The following PHF2 variants were observed in gnomAD, a reference collection of about 807,000 sequenced individuals.
PHF2 encodes the protein PHD finger protein 2.
A neutral mutation model predicts 120.5 loss-of-function variants in PHF2; 27 were observed. The ratio of observed to expected loss-of-function variants is 0.22; its 90% confidence interval spans 0.17 to 0.31. The LOEUF (loss-of-function observed/expected upper bound fraction) is 0.31, where lower values mean the gene tolerates loss of function less well. PHF2 is among the 10% of genes least tolerant of loss of function. PHF2 has a pLI of 1.00. For synonymous variants in PHF2, 568 were observed against 592.5 expected, an observed-to-expected ratio of 0.96 and a Z score of 0.60; for missense variants, 1,024 against 1,434.8, an observed-to-expected ratio of 0.71 and a Z score of 4.63.
At chr9:93,669,035 G>A (rs1826733423) in intron 17 of PHF2, among the ~76,000 whole-genome samples, 1 of 152,250 alleles carries the variant, frequency 6.6e-6, no homozygotes, top group African/African-American at 2.4e-5. Context: ...ATTTGAGTAT[G>A]ATAATTGGTG....
intron 19 of PHF2, among the ~76,000 whole-genome samples, chr9:93,675,360 G>C (rs2118151638): frequency 6.6e-6 from 1 of 152,370 alleles, no homozygotes; most frequent in Admixed American, 6.5e-5. Flanking sequence ...ACTTGATGGT[G>C]GCTGAGGGAC....
At chr9:93,675,314 A>C (rs1263988570) in intron 19 of PHF2, among the ~76,000 whole-genome samples, 2 of 152,346 alleles carry the variant, frequency 1.3e-5, no homozygotes, top group South Asian at 2.1e-4. Flanking sequence ...CTCAATGGGC[A>C]GCTCTGTGAG....
At chr9:93,597,776 G>A (rs1361926985) in intron 1 of PHF2, among the ~76,000 whole-genome samples, 1 of 152,178 alleles carries the variant, frequency 6.6e-6, no homozygotes, top group African/African-American at 2.4e-5. Context: ...CCTTACATTT[G>A]TGGGTTCTTC....
chr9:93,643,047 A>G (rs187988003), intron 3 of PHF2, among the ~76,000 whole-genome samples: 2 of 149,782 alleles, frequency 1.3e-5, no homozygotes, highest in East Asian at 2.0e-4. Flanking sequence ...CGGTTGTTCT[A>G]TTATCCTCAG....
chr9:93,626,897 G>A (rs1249363119), intron 1 of PHF2, among the ~76,000 whole-genome samples: 1 of 152,190 alleles, frequency 6.6e-6, no homozygotes, highest in East Asian at 1.9e-4. Flanking sequence ...GTTGATGTAT[G>A]GGTTTATTTC....
At chr9:93,623,809 G>T (rs996410500) in intron 1 of PHF2, among the ~76,000 whole-genome samples, 11 of 152,174 alleles carry the variant, frequency 7.2e-5, no homozygotes, top group Non-Finnish European at 1.6e-4. Context: ...AAAACAATTT[G>T]CCAAGATCTT....
intron 1 of PHF2, among the ~76,000 whole-genome samples, chr9:93,616,005 C>T (rs756565824): frequency 2.6e-5 from 4 of 152,186 alleles, no homozygotes; most frequent in Non-Finnish European, 4.4e-5. Context: ...TAGGAAACCG[C>T]AGGAAAGTAT....
At chr9:93,638,491 A>G (rs1826126868) in intron 3 of PHF2, among the ~76,000 whole-genome samples, 3 of 152,048 alleles carry the variant, frequency 2.0e-5, no homozygotes, top group Admixed American at 1.3e-4. Flanking sequence ...TTTTTTTTGC[A>G]TGCAGCTCTT....
intron 5 of PHF2, among the ~76,000 whole-genome samples, chr9:93,649,722 A>G (rs1358313725): frequency 1.3e-5 from 2 of 151,902 alleles, no homozygotes; most frequent in African/African-American, 2.4e-5. Context: ...ACTCCAATGC[A>G]TGAGACATTC....
rs1233364907 is a variant in PHF2 at position 93,672,453 on chromosome 9, T to TGG, written c.2349-1130_2349-1129dup. On this transcript the variant is annotated intron_variant, in intron 17 of 21. Transcript: ENST00000359246. ...ACAGGTGCAGGTGCAGGTGTGGGTG[T>TGG]GGGAGTAGGCACAGGTGTGAGTGTG... 4 of 970,372 alleles carry TGG rather than the reference T, an allele frequency of 4.1e-6. No individual in the cohort carries two copies. The African/African-American group carries it at 7.7e-5, about 19-fold the overall frequency. 60.1% of individuals were successfully genotyped at this position (970,372 alleles called of 1,614,324 possible).
chr9:93,671,162 G>A (rs1826777798), intron 17 of PHF2: 1 of 983,248 alleles, frequency 1.0e-6, no homozygotes, highest in South Asian at 4.7e-5. Flanking sequence ...GGATGTAGGT[G>A]TGGGAGTAGG....
At chr9:93,664,337 G>A (rs777581155) in intron 14 of PHF2, among the ~76,000 whole-genome samples, 15 of 152,162 alleles carry the variant, frequency 9.9e-5, no homozygotes, top group Admixed American at 4.6e-4. Flanking sequence ...CAAGGGGTGC[G>A]GAGGGCTGTG....
Position 93,660,395 on chromosome 9 carries a change from C to G in PHF2, c.1533C>G (p.Pro511=), listed in dbSNP as rs779295009. 1 of 1,532,694 alleles carries G rather than the reference C, an allele frequency of 6.5e-7. No homozygotes were observed. Among genetic ancestry groups the G allele is most frequent in the Admixed American group, 2.0e-5 (1 of 50,192 alleles). The allele number at this position is 1,532,694 out of a possible 1,614,324, so 94.9% of individuals were successfully genotyped here. The stretch of plus-strand genomic sequence containing the variant: ...CCAAAATCCCCAAGCCCCCGAAGCC[C>G]CCTAAGCCCCCAAGGCCCCCCAAAA... The part of the protein sequence containing the change: ...KPSKIPKPPK[P]PKPPRPPKTL... Residue 511 remains proline, a synonymous_variant, in exon 12 of 22, where the codon CCC becomes CCG. Transcript: ENST00000359246.
At chr9:93,583,139 C>G (rs1862965335) in intron 1 of PHF2, among the ~76,000 whole-genome samples, 1 of 152,210 alleles carries the variant, frequency 6.6e-6, no homozygotes, top group African/African-American at 2.4e-5. Context: ...TGGATATTTA[C>G]TATTTCATAC....
intron 2 of PHF2, among the ~76,000 whole-genome samples, 197 bp downstream of exon 2, chr9:93,630,252 G>A (rs1328071055): frequency 6.6e-6 from 1 of 152,210 alleles, no homozygotes; most frequent in Admixed American, 6.5e-5. Context: ...GCCCACTGTA[G>A]CCCCTCCTGA....
At chr9:93,659,712 C>A in intron 11 of PHF2, 112 bp downstream of exon 11, 1 of 935,848 alleles carries the variant, frequency 1.1e-6, no homozygotes, top group Non-Finnish European at 1.7e-6. Context: ...TCTGGGAAGG[C>A]CAGTGCCCCA....
At position 93,654,433 on chromosome 9, in the gene PHF2, C is replaced by T. The variant is rs1826422137; in HGVS notation, c.810C>T (p.Leu270=). 6.2e-7 allele frequency: 1 copy of T among 1,613,596 alleles called. No homozygotes were observed. The highest frequency in any genetic ancestry group is 8.5e-7 in the Non-Finnish European group (1 of 1,179,804). The stretch of plus-strand genomic sequence containing the variant: ...GGCAGGGGGAGAAGACCTTCTATCT[C>T]ATCAGGCCGGCCTCGGCCAACATCT... ...HVLKGEKTFY[L]IRPASANISL... Residue 270 remains leucine, a synonymous_variant, in exon 7 of 22, where the codon CTC becomes CTT. Coordinates refer to ENST00000359246, the MANE Select transcript of PHF2 (RefSeq NM_005392.4).
chr9:93,653,500 A>C, intron 6 of PHF2, 135 bp downstream of exon 6: 1 of 857,282 alleles, frequency 1.2e-6, no homozygotes, highest in Admixed American at 2.6e-5. Context: ...CATCCCTGGG[A>C]CAGGAGGCCT....
chr9:93,616,558 G>C (rs1825732373), intron 1 of PHF2, among the ~76,000 whole-genome samples: 1 of 152,206 alleles, frequency 6.6e-6, no homozygotes, highest in East Asian at 1.9e-4. Context: ...ATGCTGCAGA[G>C]GGCGGCAAAG....
Sources: gnomAD v4.1 joint callset for allele counts (sites outside exome capture counted in the v4.1 genomes callset) on GRCh38, gnomAD v4.1.1 for gene constraint, MANE v1.5 for transcripts, NCBI Gene and HGNC (gene_info 2026-07-23, HGNC 2026-07-21) for gene names.